Variants in RBFOX1 observed in about 807,000 individuals in gnomAD.
RBFOX1 encodes the protein RNA binding fox-1 homolog 1.
A neutral mutation model predicts 57.7 loss-of-function variants in RBFOX1; 8 were observed. The ratio of observed to expected loss-of-function variants is 0.14; its 90% CI spans 0.08 to 0.25. RBFOX1 has a LOEUF of 0.25. Ranked by LOEUF, RBFOX1 falls within the 10% of genes least tolerant of loss-of-function variation. The pLI is 1.00. For missense variants in RBFOX1, 611 were observed against 548.5 expected, an observed-to-expected ratio of 1.11 and a Z score of -1.14; for synonymous variants, 326 against 222.4, an observed-to-expected ratio of 1.47 and a Z score of -4.15.
intron 4 of RBFOX1, among the ~76,000 whole-genome samples, chr16:7,312,675 C>G (rs1208551432): frequency 6.6e-6 from 1 of 152,116 alleles, no homozygotes; most frequent in Non-Finnish European, 1.5e-5. Context: ...TGCTCAGTGT[C>G]AGGAGGAGGG....
chr16:7,696,979 C>T (rs921387136), intron 14 of RBFOX1, among the ~76,000 whole-genome samples: 3 of 152,048 alleles, frequency 2.0e-5, no homozygotes, highest in African/African-American at 7.2e-5. Flanking sequence ...TAATAGATAA[C>T]ATCTAGGAGG....
At chr16:5,299,276 T>G (rs779640515) in intron 1 of RBFOX1, among the ~76,000 whole-genome samples, 9 of 152,224 alleles carry the variant, frequency 5.9e-5, no homozygotes, top group Non-Finnish European at 1.3e-4. Flanking sequence ...TTCTTTTTTT[T>G]GTCACATCTA....
At chr16:7,146,832 C>G (rs986124921) in intron 4 of RBFOX1, among the ~76,000 whole-genome samples, 7 of 149,888 alleles carry the variant, frequency 4.7e-5, no homozygotes, top group African/African-American at 1.7e-4. Flanking sequence ...TGCCTGTAGT[C>G]CCAGCTACTT....
chr16:7,217,913 T>A (rs1352810909), intron 4 of RBFOX1, among the ~76,000 whole-genome samples: 2 of 151,698 alleles, frequency 1.3e-5, no homozygotes, highest in Non-Finnish European at 2.9e-5. Context: ...TGCATGTGTG[T>A]GTGTGAGTGT....
chr16:5,814,432 A>G (rs1481430406), intron 3 of RBFOX1, among the ~76,000 whole-genome samples: 1 of 152,202 alleles, frequency 6.6e-6, no homozygotes, highest in Non-Finnish European at 1.5e-5. Flanking sequence ...CCCAGCAGCG[A>G]CAATAATAAC....
intron 4 of RBFOX1, among the ~76,000 whole-genome samples, chr16:5,876,366 A>T (rs570557481): frequency 6.6e-6 from 1 of 152,172 alleles, no homozygotes; most frequent in Non-Finnish European, 1.5e-5. Flanking sequence ...GAGGCTTAAC[A>T]TGGTTAGTTA....
At chr16:5,779,186 T>A (rs1166842529) in intron 3 of RBFOX1, among the ~76,000 whole-genome samples, 1 of 152,168 alleles carries the variant, frequency 6.6e-6, no homozygotes, top group African/African-American at 2.4e-5. Flanking sequence ...TTAGGTCAGC[T>A]TTCCTTCCCC....
intron 4 of RBFOX1, among the ~76,000 whole-genome samples, chr16:7,330,572 A>G (rs1310151814): frequency 6.7e-6 from 1 of 149,478 alleles, no homozygotes; most frequent in Non-Finnish European, 1.5e-5. Context: ...ACAATGGATC[A>G]CTATCTTCTC....
At chr16:5,482,512 G>C (rs1597244993) in intron 2 of RBFOX1, among the ~76,000 whole-genome samples, 1 of 152,348 alleles carries the variant, frequency 6.6e-6, no homozygotes, top group East Asian at 1.9e-4. Flanking sequence ...CTGAGCCAGG[G>C]AGAAAGACAA....
At chr16:7,520,190 T>G (rs1002624718) in intron 5 of RBFOX1, among the ~76,000 whole-genome samples, 1 of 152,188 alleles carries the variant, frequency 6.6e-6, no homozygotes, top group African/African-American at 2.4e-5. Flanking sequence ...CGGCCTAGTT[T>G]TGAAGATTTT....
chr16:6,362,840 G>C (rs1399434557), intron 2 of RBFOX1, among the ~76,000 whole-genome samples: 1 of 152,206 alleles, frequency 6.6e-6, no homozygotes, highest in African/African-American at 2.4e-5. Context: ...CCTCGAATTC[G>C]AGGAAGGAAG....
At chr16:5,956,097 G>GA (rs1567188845) in intron 4 of RBFOX1, among the ~76,000 whole-genome samples, 1 of 152,010 alleles carries the variant, frequency 6.6e-6, no homozygotes, top group Non-Finnish European at 1.5e-5. Context: ...CCAACATGGT[G>GA]AAACCCCATC....
At chr16:5,261,683 G>A (rs2062737413) in intron 1 of RBFOX1, among the ~76,000 whole-genome samples, 1 of 151,646 alleles carries the variant, frequency 6.6e-6, no homozygotes, top group Non-Finnish European at 1.5e-5. Flanking sequence ...CTGAGTAGCT[G>A]GGACTACAGG....
At chr16:5,657,131 A>G (rs907665264) in intron 3 of RBFOX1, among the ~76,000 whole-genome samples, 10 of 152,206 alleles carry the variant, frequency 6.6e-5, no homozygotes, top group African/African-American at 2.4e-4. Flanking sequence ...TTCTCTGAAT[A>G]TATGTGGTAT....
intron 4 of RBFOX1, among the ~76,000 whole-genome samples, chr16:7,211,893 T>G (rs2091215018): frequency 6.6e-6 from 1 of 152,152 alleles, no homozygotes; most frequent in Admixed American, 6.5e-5. Flanking sequence ...ATTAGAAATG[T>G]GCTGGTCGGG....
intron 4 of RBFOX1, among the ~76,000 whole-genome samples, chr16:7,068,112 G>T (rs9932704): frequency 0.71 from 107,897 of 151,794 alleles, 39,089 homozygotes; most frequent in East Asian, 0.91. Context: ...ATGTGATTAC[G>T]TTGGGTCCAC....
intron 4 of RBFOX1, among the ~76,000 whole-genome samples, chr16:7,129,696 C>G (rs2069667327): frequency 6.6e-6 from 1 of 152,032 alleles, no homozygotes; most frequent in East Asian, 1.9e-4. Context: ...TAGCAAATTT[C>G]AAGTGCCTGG....
At chr16:6,811,325 A>T (rs1438381210) in intron 3 of RBFOX1, among the ~76,000 whole-genome samples, 1 of 152,236 alleles carries the variant, frequency 6.6e-6, no homozygotes, top group East Asian at 1.9e-4. Context: ...GAACCCAGTA[A>T]TACTGGATAA....
intron 3 of RBFOX1, among the ~76,000 whole-genome samples, chr16:6,671,673 C>A (rs1385632194): frequency 2.0e-5 from 3 of 152,186 alleles, no homozygotes; most frequent in Non-Finnish European, 4.4e-5. Flanking sequence ...GCCTTTGCAT[C>A]CTCATAGCTT....
Sources: allele counts gnomAD v4.1 joint callset (sites outside exome capture counted in the v4.1 genomes callset), GRCh38; gene constraint gnomAD v4.1.1; transcripts MANE v1.5; gene names NCBI Gene and HGNC (gene_info 2026-07-23, HGNC 2026-07-21).